OXR1: variants seen among roughly 807,000 people sequenced by gnomAD.
OXR1 encodes oxidation resistance protein 1.
A neutral mutation model predicts 104.6 loss-of-function variants in OXR1; 41 were observed. That is an observed-to-expected ratio of 0.39 (90% CI 0.31 to 0.51). The LOEUF is 0.51. OXR1 is among the 20% of genes least tolerant of loss of function. OXR1 has a pLI of 0.77. For synonymous variants in OXR1, 348 were observed against 348.4 expected (o/e 1.00, Z 0.01); for missense variants, 955 against 1,031.9 (o/e 0.93, Z 1.02).
chr8:106,368,426 T>C (rs1816569629), intron 2 of OXR1, among the ~76,000 whole-genome samples: 1 of 152,170 alleles, frequency 6.6e-6, no homozygotes, highest in African/African-American at 2.4e-5. Context: ...TTTTTATTTT[T>C]ATTTTTTGTT....
At chr8:106,328,605 A>T (rs1256730761) in intron 1 of OXR1, among the ~76,000 whole-genome samples, 2 of 152,200 alleles carry the variant, frequency 1.3e-5, no homozygotes, top group African/African-American at 4.8e-5. Context: ...GTGAAACTTC[A>T]ATGTCAGTCT....
chr8:106,523,843 C>T (rs935378652), intron 3 of OXR1, among the ~76,000 whole-genome samples: 1 of 151,180 alleles, frequency 6.6e-6, no homozygotes, highest in East Asian at 1.9e-4. Flanking sequence ...GGCACGATCT[C>T]GGCTCACTGC....
chr8:106,638,880 T>A (rs1823381739), intron 3 of OXR1, among the ~76,000 whole-genome samples: 1 of 138,978 alleles, frequency 7.2e-6, no homozygotes. Context: ...GGCGCAAGAG[T>A]GAGACTCCAT....
intron 3 of OXR1, among the ~76,000 whole-genome samples, chr8:106,596,792 C>G (rs12114627): frequency 2.0e-5 from 3 of 151,940 alleles, no homozygotes; most frequent in African/African-American, 7.3e-5. Flanking sequence ...CGGTGGCTCA[C>G]GCCTGTAATC....
rs71562118 is a variant in OXR1 at position 106,737,440 on chromosome 8, CTTTTTTTTTTT to C, written c.1957-64_1957-54del. 34 of 148,054 alleles carry C rather than the reference CTTTTTTTTTTT, an allele frequency of 2.3e-4. No individual in the cohort carries two copies. In the South Asian group the frequency reaches 5.1e-3, roughly 22 times the overall value. 9.2% of individuals were successfully genotyped at this position (148,054 alleles called of 1,614,324 possible). ...TTCTCTTCCCATTTTAATTTCTCCT[CTTTTTTTTTTT>C]TTTTTTTTTTTTTTTGCTGTTTTTC... On this transcript the variant is annotated intron_variant, in intron 11 of 16. Coordinates refer to ENST00000517566, the MANE Select transcript of OXR1 (RefSeq NM_001198533.2).
At chr8:106,274,792 C>G (rs1811969273) in intron 1 of OXR1, among the ~76,000 whole-genome samples, 1 of 152,118 alleles carries the variant, frequency 6.6e-6, no homozygotes, top group Non-Finnish European at 1.5e-5. Context: ...CATATTCTTG[C>G]TATTAGAGAG....
intron 3 of OXR1, among the ~76,000 whole-genome samples, chr8:106,562,788 A>T (rs1199540843): frequency 6.6e-6 from 1 of 152,232 alleles, no homozygotes; most frequent in Non-Finnish European, 1.5e-5. Context: ...GAAACCCTAC[A>T]AACCAGAAGA....
chr8:106,682,122 A>G (rs1160962115), intron 4 of OXR1, among the ~76,000 whole-genome samples: 1 of 152,030 alleles, frequency 6.6e-6, no homozygotes, highest in Non-Finnish European at 1.5e-5. Context: ...TTCATACTCA[A>G]AACTTCTATT....
At chr8:106,293,219 C>G (rs558605108) in intron 1 of OXR1, among the ~76,000 whole-genome samples, 13 of 152,274 alleles carry the variant, frequency 8.5e-5, no homozygotes, top group African/African-American at 3.1e-4. Context: ...ACATGAGAAG[C>G]TTGGGCCAAA....
At chr8:106,690,472 A>G (rs1829167552) in intron 6 of OXR1, among the ~76,000 whole-genome samples, 1 of 151,288 alleles carries the variant, frequency 6.6e-6, no homozygotes, top group African/African-American at 2.4e-5. Flanking sequence ...TAAACTTTAT[A>G]ATAGGACTTA....
intron 1 of OXR1, among the ~76,000 whole-genome samples, chr8:106,332,227 CAG>C (rs770556558): frequency 3.9e-4 from 60 of 152,048 alleles, no homozygotes; most frequent in Admixed American, 5.9e-4. Context: ...GCTTTAAAAT[CAG>C]AGCTGTACAT....
At chr8:106,596,954 G>A (rs186293961) in intron 3 of OXR1, among the ~76,000 whole-genome samples, 1 of 152,254 alleles carries the variant, frequency 6.6e-6, no homozygotes, top group East Asian at 1.9e-4. Context: ...TCAGGAGGCT[G>A]AGGCAGGAGT....
chr8:106,374,472 T>C (rs1816832466), intron 2 of OXR1, among the ~76,000 whole-genome samples: 1 of 152,208 alleles, frequency 6.6e-6, no homozygotes, highest in African/African-American at 2.4e-5. Flanking sequence ...TTTAGAAATA[T>C]CTATTTTTCA....
intron 1 of OXR1, among the ~76,000 whole-genome samples, chr8:106,334,678 A>G (rs909812458): frequency 2.0e-5 from 3 of 152,060 alleles, no homozygotes; most frequent in African/African-American, 4.8e-5. Context: ...TCTAAACTAC[A>G]CTCCAAAACC....
chr8:106,401,256 G>GA (rs1817987075), intron 2 of OXR1, among the ~76,000 whole-genome samples: 2 of 152,054 alleles, frequency 1.3e-5, no homozygotes, highest in Non-Finnish European at 2.9e-5. Flanking sequence ...GGATGTCCCA[G>GA]AAAAAAAGCT....
intron 6 of OXR1, among the ~76,000 whole-genome samples, chr8:106,686,794 G>A (rs1259443189): frequency 1.3e-5 from 2 of 151,948 alleles, no homozygotes; most frequent in Non-Finnish European, 2.9e-5. Flanking sequence ...GTAATAATTC[G>A]TTTTCACTTA....
intron 2 of OXR1, among the ~76,000 whole-genome samples, chr8:106,432,596 A>G (rs941299257): frequency 6.6e-6 from 1 of 152,186 alleles, no homozygotes; most frequent in Non-Finnish European, 1.5e-5. Context: ...GAGGATGGGC[A>G]GTACCAACTG....
intron 8 of OXR1, among the ~76,000 whole-genome samples, chr8:106,704,390 CTTCTTTTTTT>C (rs1563727398): frequency 4.0e-5 from 3 of 75,838 alleles, no homozygotes; most frequent in Non-Finnish European, 7.4e-5. Flanking sequence ...TTTCTTTCTT[CTTCTTTTTTT>C]TTTTTTTTTT....
At chr8:106,425,782 TGCAGGAGGTGGAGTTGAC>T (rs1235158290) in intron 2 of OXR1, among the ~76,000 whole-genome samples, 1 of 152,184 alleles carries the variant, frequency 6.6e-6, no homozygotes, top group Non-Finnish European at 1.5e-5. Flanking sequence ...CTGCACCTAA[TGCAGGAGGTGGAGTTGAC>T]GCAGGTCTTT....
Sources: allele counts gnomAD v4.1 joint callset (sites outside exome capture counted in the v4.1 genomes callset), GRCh38; gene constraint gnomAD v4.1.1; transcripts MANE v1.5; gene names NCBI Gene and HGNC (gene_info 2026-07-23, HGNC 2026-07-21).